The following ZFHX3 variants were observed in gnomAD, a reference collection of about 807,000 sequenced individuals.
The protein encoded by ZFHX3 is zinc finger homeobox 3.
ZFHX3 carries 42 observed loss-of-function variants against 279.1 expected under a neutral mutation model. That is an observed-to-expected ratio of 0.15 (90% confidence interval 0.12 to 0.19). ZFHX3 has a LOEUF of 0.19. ZFHX3 is among the 10% of genes least tolerant of loss of function. ZFHX3 has a pLI of 1.00. For missense variants in ZFHX3, 4,981 were observed against 4,754.0 expected, an observed-to-expected ratio of 1.05 and a Z score of -1.40; for synonymous variants, 2,293 against 1,957.8, an observed-to-expected ratio of 1.17 and a Z score of -4.52.
At chr16:72,922,304 C>T (rs1470868232) in intron 3 of ZFHX3, among the ~76,000 whole-genome samples, 1 of 152,130 alleles carries the variant, frequency 6.6e-6, no homozygotes, top group Non-Finnish European at 1.5e-5. Context: ...GAGCTTTAAC[C>T]CTCCATCCTC....
chr16:73,490,747 G>T (rs1314376637), intron 2 of ZFHX3, among the ~76,000 whole-genome samples: 2 of 152,146 alleles, frequency 1.3e-5, no homozygotes, highest in Non-Finnish European at 2.9e-5. Context: ...TGAGGTGGAA[G>T]GATCACTTGA....
intron 3 of ZFHX3, among the ~76,000 whole-genome samples, chr16:73,430,477 C>T (rs925161141): frequency 2.0e-5 from 3 of 152,162 alleles, no homozygotes; most frequent in Non-Finnish European, 4.4e-5. Flanking sequence ...GCTGAGGACA[C>T]AGCAGGAAAC....
chr16:72,969,324 T>A (rs963340749), intron 1 of ZFHX3, among the ~76,000 whole-genome samples: 1 of 152,064 alleles, frequency 6.6e-6, no homozygotes, highest in South Asian at 2.1e-4. Flanking sequence ...AGCCTTCCAG[T>A]TGGAGAAGAC....
chr16:73,325,928 A>AAAAACACACACACAC (rs368062772), intron 3 of ZFHX3, among the ~76,000 whole-genome samples: 20 of 145,492 alleles, frequency 1.4e-4, no homozygotes, highest in South Asian at 2.2e-4. Context: ...CACACACACA[A>AAAAACACACACACAC]ACACACACAC....
intron 1 of ZFHX3, among the ~76,000 whole-genome samples, chr16:73,047,424 T>G (rs568173988): frequency 1.1e-4 from 17 of 152,202 alleles, no homozygotes; most frequent in Admixed American, 3.9e-4. Context: ...GGTGCATTTT[T>G]AGGCGGAGGC....
At chr16:73,752,554 C>T (rs2053770678) in intron 1 of ZFHX3, among the ~76,000 whole-genome samples, 1 of 152,180 alleles carries the variant, frequency 6.6e-6, no homozygotes, top group East Asian at 1.9e-4. Flanking sequence ...CCCAACAGCT[C>T]CATGTTTCAT....
chr16:73,383,464 A>T (rs1334991633), intron 3 of ZFHX3, among the ~76,000 whole-genome samples: 1 of 152,138 alleles, frequency 6.6e-6, no homozygotes, highest in Non-Finnish European at 1.5e-5. Context: ...GACAGGAGGG[A>T]TCTCTGGAGA....
At chr16:73,010,217 C>T (rs1963866856) in intron 1 of ZFHX3, among the ~76,000 whole-genome samples, 3 of 152,056 alleles carry the variant, frequency 2.0e-5, no homozygotes, top group Admixed American at 1.3e-4. Context: ...CAGCAGCCAC[C>T]CTAGGAGCCT....
rs535146022 is a variant in ZFHX3, at chr16:73,166,609, A to G, written c.-1103-22778T>C. 3.9e-5 allele frequency among the ~76,000 whole-genome samples: 6 copies of G among 152,100 alleles called. No individual in the cohort carries two copies. In the South Asian group the frequency reaches 1.0e-3, roughly 26 times the overall value. ...GAGAGGCAGGGAGGGGGTCTGCTGC[A>G]TGGTTACCCTTGTCAGGTTAATTTC... On this transcript the variant is annotated intron_variant, in intron 5 of 17. Coordinates refer to the ZFHX3 transcript ENST00000641206.
chr16:73,242,360 A>G (rs1347663987), intron 5 of ZFHX3, among the ~76,000 whole-genome samples: 1 of 151,898 alleles, frequency 6.6e-6, no homozygotes, highest in Non-Finnish European at 1.5e-5. Flanking sequence ...CCACCCCCAC[A>G]CCCACCCCAT....
chr16:73,761,341 G>T (rs1409388474), intron 1 of ZFHX3, among the ~76,000 whole-genome samples: 2 of 151,070 alleles, frequency 1.3e-5, no homozygotes, highest in Middle Eastern at 6.8e-3. Flanking sequence ...AGAGAGGACA[G>T]ATGGAAAAAC....
intron 1 of ZFHX3, among the ~76,000 whole-genome samples, chr16:73,680,954 C>T (rs548987301): frequency 6.6e-6 from 1 of 152,052 alleles, no homozygotes; most frequent in Non-Finnish European, 1.5e-5. Context: ...ATATGCAAAG[C>T]CTGAATGCCA....
chr16:72,938,515 C>A (rs1441987527), intron 3 of ZFHX3, among the ~76,000 whole-genome samples: 1 of 152,126 alleles, frequency 6.6e-6, no homozygotes, highest in Admixed American at 6.6e-5. Flanking sequence ...CGGGAGGCAG[C>A]GGGAAGGGAG....
intron 1 of ZFHX3, chr16:73,813,780 C>T (rs932647292): frequency 3.9e-5 from 6 of 152,210 alleles, no homozygotes; most frequent in Non-Finnish European, 7.3e-5. Flanking sequence ...GTAGGTCCTC[C>T]GATACTCAAG....
At chr16:73,784,355 T>C (rs927411408) in intron 1 of ZFHX3, among the ~76,000 whole-genome samples, 2 of 151,998 alleles carry the variant, frequency 1.3e-5, no homozygotes, top group South Asian at 2.1e-4. Context: ...GCCTGACACC[T>C]AGAAAGCAAT....
At chr16:73,839,535 T>C (rs577572817) in intron 1 of ZFHX3, among the ~76,000 whole-genome samples, 1 of 152,186 alleles carries the variant, frequency 6.6e-6, no homozygotes, top group East Asian at 1.9e-4. Context: ...CAAATCATCT[T>C]AGAAAAACAT....
chr16:73,596,974 A>C (rs2052057263), intron 2 of ZFHX3, among the ~76,000 whole-genome samples: 1 of 152,152 alleles, frequency 6.6e-6, no homozygotes, highest in African/African-American at 2.4e-5. Flanking sequence ...TGCCAAACAA[A>C]AGTTCAGAGG....
intron 1 of ZFHX3, among the ~76,000 whole-genome samples, chr16:72,986,235 C>T (rs916026940): frequency 2.0e-5 from 3 of 152,122 alleles, no homozygotes; most frequent in African/African-American, 7.2e-5. Context: ...AAGGGGAGGA[C>T]GGAAGCACAG....
intron 5 of ZFHX3, among the ~76,000 whole-genome samples, chr16:73,224,117 A>G (rs1469389790): frequency 1.3e-5 from 2 of 152,206 alleles, no homozygotes; most frequent in Non-Finnish European, 2.9e-5. Flanking sequence ...GTCACTATAA[A>G]TTTGTCCAAA....
Sources: gnomAD v4.1 joint callset for allele counts (sites outside exome capture counted in the v4.1 genomes callset) on GRCh38, gnomAD v4.1.1 for gene constraint, MANE v1.5 for transcripts, NCBI Gene and HGNC (gene_info 2026-07-23, HGNC 2026-07-21) for gene names.